The following CAMTA1 variants were observed in gnomAD, a reference collection of about 807,000 sequenced individuals.
The protein encoded by CAMTA1 is calmodulin binding transcription activator 1.
A neutral mutation model predicts 170.9 loss-of-function variants in CAMTA1; 27 were observed. The observed-to-expected ratio is 0.16, with a 90% confidence interval of 0.12 to 0.22. The LOEUF (loss-of-function observed/expected upper bound fraction) is 0.22, where lower values mean the gene tolerates loss of function less well. Among genes scored for constraint, CAMTA1 ranks in the 10% least tolerant of loss-of-function variants. The pLI, the probability that CAMTA1 is intolerant of heterozygous loss-of-function variation, is 1.00. For missense variants in CAMTA1, 1,619 were observed against 2,217.2 expected (o/e 0.73, Z 5.42); for synonymous variants, 833 against 891.5 (o/e 0.93, Z 1.17).
At chr1:7,208,906 TGTGCTACA>T (rs1196890726) in intron 4 of CAMTA1, among the ~76,000 whole-genome samples, 21 of 152,296 alleles carry the variant, frequency 1.4e-4, no homozygotes, top group Middle Eastern at 3.4e-3. Context: ...TAGAAAGCTA[TGTGCTACA>T]GTGACCATTG....
intron 4 of CAMTA1, among the ~76,000 whole-genome samples, chr1:7,187,255 T>A (rs1410122750): frequency 6.6e-6 from 1 of 151,644 alleles, no homozygotes; most frequent in East Asian, 1.9e-4. Flanking sequence ...GCCTGCAGAG[T>A]TTTTACTGGT....
At chr1:7,708,576 T>C (rs775680799) in intron 11 of CAMTA1, among the ~76,000 whole-genome samples, 3 of 152,222 alleles carry the variant, frequency 2.0e-5, no homozygotes. Context: ...GTTCCTTTGA[T>C]AGACTAACTG....
At position 7,674,545 on chromosome 1, in the gene CAMTA1, G is replaced by A. The variant is rs945375181; in HGVS notation, c.2780-3054G>A. Among the ~76,000 whole-genome samples the A allele has an allele frequency of 1.3e-5, 2 of 152,178 alleles. No individual in the cohort carries two copies. The highest frequency in any genetic ancestry group is 2.9e-5 in the Non-Finnish European group (2 of 68,038). On this transcript the variant is annotated intron_variant, in intron 10 of 22. Transcript: ENST00000303635. This position sits in a 1 kb window ranked among gnomAD's most constrained non-coding sequence, Gnocchi z 4.1. ...TGTAATCCTAGCATGTTGGGAGGCC[G>A]AGGCGGGCGGATCACTTGAAGTCAG...
At chr1:7,514,065 A>G (rs897988722) in intron 6 of CAMTA1, among the ~76,000 whole-genome samples, 2 of 152,218 alleles carry the variant, frequency 1.3e-5, no homozygotes, top group African/African-American at 4.8e-5. Flanking sequence ...AAGTCAGATC[A>G]CATTCTGGGG....
rs1481327634 is a variant in CAMTA1 at position 7,007,225 on chromosome 1, A to T, written c.235-84079A>T. On this transcript the variant is annotated intron_variant, in intron 3 of 22. Transcript: ENST00000303635. The surrounding 1 kb of genome is among the most constrained non-coding windows in gnomAD (Gnocchi z 4.5). ...ATAGGATCTCACGTGGGGAGCATCGACCAGGAGAGGGGTCCACATTGTCAC... is the reference window on the plus strand; with the variant it reads ...ATAGGATCTCACGTGGGGAGCATCGTCCAGGAGAGGGGTCCACATTGTCAC... Among the ~76,000 whole-genome samples the T allele has an allele frequency of 6.6e-6, 1 of 152,122 alleles. No individual in the cohort carries two copies. The highest frequency in any genetic ancestry group is 1.9e-4 in the East Asian group (1 of 5,166).
chr1:6,883,200 G>A (rs957125295), intron 3 of CAMTA1, among the ~76,000 whole-genome samples: 1 of 152,124 alleles, frequency 6.6e-6, no homozygotes, highest in Non-Finnish European at 1.5e-5. Flanking sequence ...GGACAAGGAA[G>A]CTCATGTTTC....
intron 1 of CAMTA1, among the ~76,000 whole-genome samples, chr1:6,814,497 G>A (rs935540839): frequency 1.2e-4 from 18 of 152,170 alleles, no homozygotes; most frequent in African/African-American, 3.6e-4. Context: ...AAAGTCTTCT[G>A]CCACAAGGTA....
chr1:7,597,336 GCA>G (rs763470131), intron 6 of CAMTA1, among the ~76,000 whole-genome samples: 2 of 152,196 alleles, frequency 1.3e-5, no homozygotes, highest in Non-Finnish European at 2.9e-5. Flanking sequence ...TCAGTGTTTT[GCA>G]CAGAGTGAAG....
At chr1:7,690,188 G>C (rs576220999) in intron 11 of CAMTA1, among the ~76,000 whole-genome samples, 1 of 152,320 alleles carries the variant, frequency 6.6e-6, no homozygotes, top group African/African-American at 2.4e-5. Flanking sequence ...GAGCCAGCTG[G>C]GAGCCCTGGG....
At chr1:7,726,091 C>T (rs902613748) in intron 11 of CAMTA1, among the ~76,000 whole-genome samples, 1 of 152,242 alleles carries the variant, frequency 6.6e-6, no homozygotes, top group Non-Finnish European at 1.5e-5. Flanking sequence ...TCATTCAGAG[C>T]TCACTTTGCC....
chr1:6,930,981 C>G (rs923381939), intron 3 of CAMTA1, among the ~76,000 whole-genome samples: 1 of 152,262 alleles, frequency 6.6e-6, no homozygotes, highest in Non-Finnish European at 1.5e-5. Flanking sequence ...TTTTGAAATT[C>G]TAAAGCCACG....
At chr1:7,288,119 C>G (rs1030066493) in intron 5 of CAMTA1, among the ~76,000 whole-genome samples, 4 of 152,154 alleles carry the variant, frequency 2.6e-5, no homozygotes, top group Non-Finnish European at 4.4e-5. Flanking sequence ...ACTTGAAGTA[C>G]AGAGAGGCCA....
intron 3 of CAMTA1, among the ~76,000 whole-genome samples, chr1:6,968,939 G>A (rs1557901639): frequency 6.6e-6 from 1 of 152,168 alleles, no homozygotes; most frequent in Non-Finnish European, 1.5e-5. Flanking sequence ...GTGGGCTGCA[G>A]AGGCACGGGG....
intron 10 of CAMTA1, among the ~76,000 whole-genome samples, chr1:7,677,355 A>G (rs1421446113): frequency 6.6e-6 from 1 of 152,196 alleles, no homozygotes; most frequent in Non-Finnish European, 1.5e-5. Flanking sequence ...AGGACAAAGC[A>G]AAGGGGCAGT....
chr1:7,281,799 T>TTGCGTG (rs1553120906), intron 5 of CAMTA1, among the ~76,000 whole-genome samples: 1 of 139,218 alleles, frequency 7.2e-6, no homozygotes, highest in Admixed American at 7.1e-5. Context: ...GGGAAAGAAA[T>TTGCGTG]TGTGTGTGTG....
rs536808666 is a variant in CAMTA1 at position 7,558,158 on chromosome 1, T to A, written c.511-82242T>A. 3.9e-5 allele frequency among the ~76,000 whole-genome samples: 6 copies of A among 152,264 alleles called. No individual in the cohort carries two copies. In the South Asian group the frequency reaches 1.2e-3, roughly 32 times the overall value. On this transcript the variant is annotated intron_variant, in intron 6 of 22. Coordinates refer to ENST00000303635, the MANE Select transcript of CAMTA1 (RefSeq NM_015215.4). ...CTCCGGCAGCCTCTTATCTCCTGCTTCCCAGAGCCCCGTTCTTCCCAGTCC... is the reference window on the plus strand; with the variant it reads ...CTCCGGCAGCCTCTTATCTCCTGCTACCCAGAGCCCCGTTCTTCCCAGTCC...
chr1:6,786,272 G>A (rs1409242131), intron 1 of CAMTA1, among the ~76,000 whole-genome samples: 2 of 151,812 alleles, frequency 1.3e-5, no homozygotes, highest in Non-Finnish European at 2.9e-5. Flanking sequence ...GGGAAGGGAA[G>A]GGGGCCTGCG....
chr1:7,454,986 A>G (rs2092916663), intron 5 of CAMTA1, among the ~76,000 whole-genome samples: 1 of 152,162 alleles, frequency 6.6e-6, no homozygotes, highest in Admixed American at 6.5e-5. Context: ...GCTCAGTGAG[A>G]CTGAGTGATT....
chr1:6,961,291 TGGAA>T (rs1690353789), intron 3 of CAMTA1, among the ~76,000 whole-genome samples: 3 of 152,154 alleles, frequency 2.0e-5, no homozygotes, highest in Non-Finnish European at 2.9e-5. Context: ...AGGAGCACGC[TGGAA>T]GGAAGGGCTT....
Sources: gnomAD v4.1 joint callset for allele counts (sites outside exome capture counted in the v4.1 genomes callset) on GRCh38, gnomAD v4.1.1 for gene constraint, Gnocchi (gnomAD v3.1) non-coding constraint, MANE v1.5 for transcripts, NCBI Gene and HGNC (gene_info 2026-07-23, HGNC 2026-07-21) for gene names.